The following CPA6 variants were observed in gnomAD, a reference collection of about 807,000 sequenced individuals.
The protein encoded by CPA6 is carboxypeptidase B.
CPA6 carries 58 observed loss-of-function variants against 63.3 expected under a neutral mutation model. The ratio of observed to expected loss-of-function variants is 0.92; its 90% CI spans 0.74 to 1.14. CPA6 has a LOEUF of 1.14. Among genes scored for constraint, CPA6 ranks in the 50% most tolerant of loss-of-function variants. CPA6 has a pLI of 0.00. For missense variants in CPA6, 565 were observed against 526.6 expected, an observed-to-expected ratio of 1.07 and a Z score of -0.71; for synonymous variants, 185 against 179.0, an observed-to-expected ratio of 1.03 and a Z score of -0.27.
intron 2 of CPA6, among the ~76,000 whole-genome samples, chr8:67,567,927 G>T (rs1813381627): frequency 6.6e-6 from 1 of 151,704 alleles, no homozygotes; most frequent in Non-Finnish European, 1.5e-5. Flanking sequence ...ACCACCTGGG[G>T]TCAGGCAGAA....
intron 2 of CPA6, among the ~76,000 whole-genome samples, chr8:67,540,183 TTTTTTCGTGGGTGTCC>T (rs1812675124): frequency 6.6e-6 from 1 of 152,168 alleles, no homozygotes; most frequent in African/African-American, 2.4e-5. Context: ...GGATGGTTTT[TTTTTTCGTGGGTGTCC>T]TTTTTCTTGA....
intron 6 of CPA6, among the ~76,000 whole-genome samples, chr8:67,500,357 A>G (rs950906797): frequency 2.6e-5 from 4 of 152,012 alleles, no homozygotes; most frequent in African/African-American, 9.7e-5. Flanking sequence ...ATGTCTCTTC[A>G]TGTCTTTTGC....
At chr8:67,552,127 A>G (rs1190205213) in intron 2 of CPA6, among the ~76,000 whole-genome samples, 1 of 152,214 alleles carries the variant, frequency 6.6e-6, no homozygotes, top group Non-Finnish European at 1.5e-5. Flanking sequence ...AAACATCGTC[A>G]TGGAGTTTAT....
chr8:67,743,665 C>T (rs1044008055), intron 1 of CPA6, among the ~76,000 whole-genome samples: 1 of 151,974 alleles, frequency 6.6e-6, no homozygotes, highest in Non-Finnish European at 1.5e-5. Flanking sequence ...TTAAATTTAC[C>T]ATTTACTAAG....
intron 2 of CPA6, among the ~76,000 whole-genome samples, chr8:67,600,401 A>G (rs537486044): frequency 7.9e-5 from 12 of 152,180 alleles, no homozygotes; most frequent in Non-Finnish European, 1.6e-4. Flanking sequence ...GTCAAAAGAT[A>G]CAAAATTTAG....
At chr8:67,483,649 A>C in intron 8 of CPA6, 119 bp downstream of exon 8, 1 of 828,470 alleles carries the variant, frequency 1.2e-6, no homozygotes, top group Admixed American at 1.7e-5. Flanking sequence ...ACCTTTCTCT[A>C]CCAGGTTTTC....
intron 1 of CPA6, among the ~76,000 whole-genome samples, chr8:67,649,278 TG>T (rs1423157008): frequency 3.3e-5 from 5 of 152,234 alleles, no homozygotes; most frequent in African/African-American, 1.2e-4. Context: ...ATCTGTTTTT[TG>T]TAAAGAATAA....
At chr8:67,737,197 C>T (rs947679193) in intron 1 of CPA6, among the ~76,000 whole-genome samples, 10 of 152,182 alleles carry the variant, frequency 6.6e-5, no homozygotes, top group East Asian at 1.9e-4. Context: ...CCTTCCCTCC[C>T]GCCTCCTGAC....
intron 2 of CPA6, among the ~76,000 whole-genome samples, chr8:67,544,275 G>A (rs1346925614): frequency 1.3e-5 from 2 of 152,206 alleles, no homozygotes; most frequent in Non-Finnish European, 1.5e-5. Flanking sequence ...GAGCAGAAAT[G>A]TGGTCAGGGT....
intron 9 of CPA6, among the ~76,000 whole-genome samples, chr8:67,429,347 G>A (rs1809967647): frequency 6.6e-6 from 1 of 152,180 alleles, no homozygotes; most frequent in Non-Finnish European, 1.5e-5. Context: ...CATGACAAAT[G>A]AGAGGAAAAG....
chr8:67,733,118 C>G (rs1396272378), intron 1 of CPA6, among the ~76,000 whole-genome samples: 1 of 138,464 alleles, frequency 7.2e-6, no homozygotes, highest in Non-Finnish European at 1.5e-5. Flanking sequence ...ATGGCTTGAA[C>G]CCGGGAGGTG....
chr8:67,566,749 T>C (rs1023481274), intron 2 of CPA6, among the ~76,000 whole-genome samples: 1 of 152,212 alleles, frequency 6.6e-6, no homozygotes, highest in Non-Finnish European at 1.5e-5. Context: ...TCCATCCCTA[T>C]GCCCAGAGAG....
chr8:67,588,321 T>C (rs540303675), intron 2 of CPA6, among the ~76,000 whole-genome samples: 2 of 152,294 alleles, frequency 1.3e-5, no homozygotes, highest in African/African-American at 2.4e-5. Flanking sequence ...GGAAATAGTA[T>C]GGTGGGAAAT....
intron 1 of CPA6, among the ~76,000 whole-genome samples, chr8:67,733,196 C>CA (rs1211323183): frequency 0.042 from 623 of 14,772 alleles, 47 homozygotes; most frequent in Middle Eastern, 0.062. Flanking sequence ...GACTCCATCT[C>CA]AAAAAAAAAA....
In CPA6 at chr8:67,733,113, T is replaced by G. The variant is rs201957893; in HGVS notation, c.116+12901A>C. On this transcript the variant is annotated intron_variant, in intron 1 of 10. Coordinates refer to ENST00000297770, the MANE Select transcript of CPA6 (RefSeq NM_020361.5). ...CGGGAGGCTGAGGCAGGAGAATGGC[T>G]TGAACCCGGGAGGTGGAGCTTGCAG... Among the ~76,000 whole-genome samples the G allele has an allele frequency of 1.0e-3, 145 of 140,240 alleles. 1 individual carries two copies. The highest frequency in any genetic ancestry group is 3.9e-3 in the Middle Eastern group (1 of 258). 92.0% of individuals were successfully genotyped at this position (140,240 alleles called of 152,430 possible).
At chr8:67,634,632 C>G (rs1048114497) in intron 1 of CPA6, among the ~76,000 whole-genome samples, 49 of 151,678 alleles carry the variant, frequency 3.2e-4, no homozygotes, top group African/African-American at 1.0e-3. Flanking sequence ...ACACTTAGAA[C>G]CAATGAGTTC....
At chr8:67,456,625 G>A (rs910645585) in intron 8 of CPA6, among the ~76,000 whole-genome samples, 1 of 152,146 alleles carries the variant, frequency 6.6e-6, no homozygotes, top group Non-Finnish European at 1.5e-5. Flanking sequence ...AAGATAAAGG[G>A]GCTAGATGAA....
At chr8:67,483,936 TGAAA>T in intron 7 of CPA6, 78 bp from the exon 8 acceptor site, 1 of 1,158,588 alleles carries the variant, frequency 8.6e-7, no homozygotes, top group South Asian at 1.2e-5. Flanking sequence ...GCTCAATCAA[TGAAA>T]GAGTCATACC....
rs140981879 is a variant in CPA6, at chr8:67,518,856, C to T, written c.193-809G>A. 1.8e-3 allele frequency among the ~76,000 whole-genome samples: 270 copies of T among 152,192 alleles called. 1 individual carries two copies. Among genetic ancestry groups the T allele is most frequent in the Non-Finnish European group, 3.0e-3 (202 of 67,990 alleles). On this transcript the variant is annotated intron_variant, in intron 2 of 10. Transcript: ENST00000297770. ...TGCCTGCTCTTCCTCCAACACATGC[C>T]TTTCTCCAATTCCTACTCAGCCTTC...
Sources: allele counts gnomAD v4.1 joint callset (sites outside exome capture counted in the v4.1 genomes callset), GRCh38; gene constraint gnomAD v4.1.1; transcripts MANE v1.5; gene names NCBI Gene and HGNC (gene_info 2026-07-23, HGNC 2026-07-21).